The following FAM89A variants were observed in gnomAD, a reference collection of about 807,000 sequenced individuals.
The protein encoded by FAM89A is family with sequence similarity 89 member A.
Under a neutral mutation model 7.1 loss-of-function variants are expected in FAM89A, and 10 were observed. The ratio of observed to expected loss-of-function variants is 1.40; its 90% CI spans 0.86 to 2.38. The LOEUF is 2.38. Ranked by LOEUF, FAM89A falls within the 30% of genes most tolerant of loss-of-function variation. The pLI, the probability that FAM89A is intolerant of heterozygous loss-of-function variation, is 0.00. For synonymous variants in FAM89A, 157 were observed against 129.3 expected (o/e 1.21, Z -1.45); for missense variants, 276 against 262.8 (o/e 1.05, Z -0.35).
chr1:231,027,202 C>T (rs139527397), intron 1 of FAM89A, among the ~76,000 whole-genome samples: 1 of 152,138 alleles, frequency 6.6e-6, no homozygotes, highest in Non-Finnish European at 1.5e-5. Flanking sequence ...GTGCCATTTC[C>T]AAGGTATTCC....
At chr1:231,038,647 A>C (rs1165237449) in intron 1 of FAM89A, among the ~76,000 whole-genome samples, 1 of 152,226 alleles carries the variant, frequency 6.6e-6, no homozygotes. Flanking sequence ...AGCTTAGAAA[A>C]TCTTTTCAGT....
chr1:231,036,619 G>C (rs1488142773), intron 1 of FAM89A, among the ~76,000 whole-genome samples: 1 of 151,904 alleles, frequency 6.6e-6, no homozygotes, highest in Non-Finnish European at 1.5e-5. Flanking sequence ...AAGCAGAGGA[G>C]GGCATCAGCA....
At chr1:231,024,578 C>A (rs1679931606) in intron 1 of FAM89A, among the ~76,000 whole-genome samples, 1 of 144,408 alleles carries the variant, frequency 6.9e-6, no homozygotes, top group East Asian at 2.1e-4. Flanking sequence ...GCTTTGTCAC[C>A]CAGGCAGGAG....
intron 1 of FAM89A, among the ~76,000 whole-genome samples, chr1:231,039,617 G>A (rs1680221196): frequency 6.6e-6 from 1 of 152,208 alleles, no homozygotes; most frequent in Admixed American, 6.5e-5. Flanking sequence ...CCCCAGGCCA[G>A]GCACGAACCC....
intron 1 of FAM89A, chr1:231,021,805 C>G: frequency 6.2e-7 from 1 of 1,602,506 alleles, no homozygotes; most frequent in South Asian, 1.1e-5. Context: ...CTCACAATGA[C>G]TCTGTTGTGA....
intron 1 of FAM89A, among the ~76,000 whole-genome samples, chr1:231,039,432 CGCCGGAAAGGGG>C (rs1387141211): frequency 6.6e-6 from 1 of 152,202 alleles, no homozygotes; most frequent in Non-Finnish European, 1.5e-5. Context: ...CGGCCTGGGG[CGCCGGAAAGGGG>C]GCCGGGCTGT....
At chr1:231,036,079 A>C (rs1198593030) in intron 1 of FAM89A, among the ~76,000 whole-genome samples, 4 of 152,194 alleles carry the variant, frequency 2.6e-5, no homozygotes, top group Admixed American at 6.5e-5. Flanking sequence ...AAAACAGAGG[A>C]GGAGGGGAAG....
intron 1 of FAM89A, among the ~76,000 whole-genome samples, chr1:231,035,110 T>C (rs1680138762): frequency 6.6e-6 from 1 of 152,184 alleles, no homozygotes; most frequent in Admixed American, 6.5e-5. Flanking sequence ...GACACTGGTT[T>C]CACATAAAGG....
Position 231,023,377 on chromosome 1 carries a change from C to G in FAM89A, c.292-3251G>C, listed in dbSNP as rs1402069013. Among the ~76,000 whole-genome samples the G allele has an allele frequency of 2.0e-5, 3 of 152,194 alleles. No homozygotes were observed. In the East Asian group the frequency reaches 5.8e-4, roughly 29 times the overall value. Reference sequence around the variant, plus strand: ...TTCGCTCAGGGGCAGCAAAGTGGCCCAAGCTGCCCCTGACAGCACAGGGCC... The same window carrying G: ...TTCGCTCAGGGGCAGCAAAGTGGCCGAAGCTGCCCCTGACAGCACAGGGCC... On this transcript the variant is annotated intron_variant, in intron 1 of 1. Transcript: ENST00000366654.
At chr1:231,038,954 T>G (rs1374283418) in intron 1 of FAM89A, among the ~76,000 whole-genome samples, 1 of 152,194 alleles carries the variant, frequency 6.6e-6, no homozygotes, top group Non-Finnish European at 1.5e-5. Flanking sequence ...GGAGACAACC[T>G]GGACGAGGTG....
chr1:231,026,740 C>G (rs1679981943), intron 1 of FAM89A: 2 of 152,234 alleles, frequency 1.3e-5, no homozygotes, highest in African/African-American at 4.8e-5. Context: ...TCCAGGATTC[C>G]TCTGCAGAAT....
intron 1 of FAM89A, among the ~76,000 whole-genome samples, chr1:231,037,536 C>T (rs1680178056): frequency 6.6e-6 from 1 of 152,198 alleles, no homozygotes; most frequent in Non-Finnish European, 1.5e-5. Flanking sequence ...CCCATGAACA[C>T]CTCTCATCTT....
At chr1:231,021,208 G>A (rs1679871438) in intron 1 of FAM89A, among the ~76,000 whole-genome samples, 1 of 152,246 alleles carries the variant, frequency 6.6e-6, no homozygotes, top group Non-Finnish European at 1.5e-5. Context: ...TCGGCTTCTT[G>A]GCCCCTGAGC....
At position 231,040,202 on chromosome 1, in the gene FAM89A, C is replaced by G. The variant is rs940779647; in HGVS notation, c.10G>C (p.Ala4Pro). Residue 4 changes from alanine to proline, a missense_variant, in exon 1 of 2, where the codon GCC (alanine) becomes CCC (proline). Coordinates refer to ENST00000366654, the MANE Select transcript of FAM89A (RefSeq NM_198552.3). MSG[A>P]RAAPGAAGNG... ...CCCGCGGCCCCGGGCGCCGCCCGGG[C>G]CCCACTCATCGCGCCGCGGCCCGGC... The G allele has an allele frequency of 1.8e-5, 20 of 1,085,556 alleles. No homozygotes were observed. The highest frequency in any genetic ancestry group is 2.1e-5 in the Non-Finnish European group (19 of 897,084). 67.2% of individuals were successfully genotyped at this position (1,085,556 alleles called of 1,614,324 possible).
intron 1 of FAM89A, chr1:231,021,617 A>G (rs909470110): frequency 1.3e-6 from 2 of 1,510,460 alleles, no homozygotes; most frequent in African/African-American, 2.7e-5. Flanking sequence ...CACAATGAGT[A>G]CAAGAAAGCG....
intron 1 of FAM89A, chr1:231,026,639 C>T (rs578174044): frequency 7.9e-5 from 12 of 152,342 alleles, no homozygotes; most frequent in Admixed American, 2.6e-4. Context: ...TTCTTCTCTC[C>T]AAGCTAAATA....
Position 231,040,142 on chromosome 1 carries a change from G to T in FAM89A, c.70C>A (p.Leu24Met), listed in dbSNP as rs1449723425. 1 of 1,336,860 alleles carries T rather than the reference G, an allele frequency of 7.5e-7. No homozygotes were observed. 82.8% of individuals were successfully genotyped at this position (1,336,860 alleles called of 1,614,324 possible). The change falls in exon 1 of 2, where the codon CTG becomes ATG. Residue 24 changes from leucine to methionine, a missense_variant. Coordinates refer to ENST00000366654, the MANE Select transcript of FAM89A (RefSeq NM_198552.3). ...GAVRGLRVDG[L>M]PPLPKSLSGL... ...CTCAAGCTCTTTGGCAGCGGGGGCAGCCCGTCCACCCGCAGCCCCCGGACC... is the reference window on the plus strand; with the variant it reads ...CTCAAGCTCTTTGGCAGCGGGGGCATCCCGTCCACCCGCAGCCCCCGGACC...
chr1:231,021,538 T>C, intron 1 of FAM89A: 1 of 862,734 alleles, frequency 1.2e-6, no homozygotes, highest in East Asian at 2.5e-5. Flanking sequence ...GTTGAGAACA[T>C]TCGACTTCCC....
In FAM89A at chr1:231,019,512, G is replaced by T. The variant is rs1292504880; in HGVS notation, c.*351C>A. The T allele has an allele frequency of 8.9e-6, 2 of 224,830 alleles. No homozygotes were observed. The highest frequency in any genetic ancestry group is 1.8e-5 in the Non-Finnish European group (2 of 112,714). The allele number at this position is 224,830 out of a possible 1,614,324, so 13.9% of individuals were successfully genotyped here. On this transcript the variant is annotated 3_prime_UTR_variant, in exon 2 of 2. Coordinates refer to ENST00000366654, the MANE Select transcript of FAM89A (RefSeq NM_198552.3). Reference sequence around the variant, plus strand: ...ATTGGAATACTCTACCATCTGTAAGGAAGTAGCTAGCTACAAGCCACCTCA... The same window carrying T: ...ATTGGAATACTCTACCATCTGTAAGTAAGTAGCTAGCTACAAGCCACCTCA...
Sources: gnomAD v4.1 joint callset for allele counts (sites outside exome capture counted in the v4.1 genomes callset) on GRCh38, gnomAD v4.1.1 for gene constraint, MANE v1.5 for transcripts, NCBI Gene and HGNC (gene_info 2026-07-23, HGNC 2026-07-21) for gene names.